PSG5: variants seen among roughly 807,000 people sequenced by gnomAD.
PSG5 encodes pregnancy-specific beta-1-glycoprotein 5.
A neutral mutation model predicts 37.7 loss-of-function variants in PSG5; 53 were observed. The ratio of observed to expected loss-of-function variants is 1.41; its 90% confidence interval spans 1.13 to 1.77. PSG5 has a LOEUF of 1.77. Ranked by LOEUF, PSG5 falls within the 40% of genes most tolerant of loss-of-function variation. The pLI, the probability that PSG5 is intolerant of heterozygous loss-of-function variation, is 0.00. For missense variants in PSG5, 547 were observed against 405.2 expected, an observed-to-expected ratio of 1.35 and a Z score of -3.00; for synonymous variants, 221 against 155.4, an observed-to-expected ratio of 1.42 and a Z score of -3.14.
intron 2 of PSG5, among the ~76,000 whole-genome samples, chr19:43,183,737 T>G (rs1003761689): frequency 6.7e-6 from 1 of 150,368 alleles, no homozygotes; most frequent in South Asian, 2.1e-4. Flanking sequence ...GACTATGGGG[T>G]CCTTGGAACC....
chr19:43,177,129 T>C (rs1470106847), intron 2 of PSG5, among the ~76,000 whole-genome samples: 1 of 151,608 alleles, frequency 6.6e-6, no homozygotes, highest in Non-Finnish European at 1.5e-5. Context: ...TCGACTACTC[T>C]AGGGACCTCA....
chr19:43,181,343 T>C (rs1319736910), intron 2 of PSG5, among the ~76,000 whole-genome samples: 6 of 151,808 alleles, frequency 4.0e-5, no homozygotes, highest in African/African-American at 9.7e-5. Context: ...CCCACTCTTA[T>C]TGAACTTTCC....
Position 43,172,585 on chromosome 19 carries a change from A to C in PSG5, c.965-2447T>G, listed in dbSNP as rs185988826. ...CATCAGTTGTATTTCAATACACTAA[A>C]CATGAACAATCTGAAGGGAAATTAA... On this transcript the variant is annotated intron_variant, in intron 4 of 5. Transcript: ENST00000342951. Among the ~76,000 whole-genome samples the C allele has an allele frequency of 1.0e-3, 155 of 151,872 alleles. 4 individuals carry two copies. The highest frequency in any genetic ancestry group is 1.7e-3 in the South Asian group (8 of 4,822).
chr19:43,185,012 C>T lies in PSG5; in HGVS notation c.200G>A (p.Trp67Ter), dbSNP rs1363201710. 1.2e-6 allele frequency: 2 copies of T among 1,612,486 alleles called. No individual in the cohort carries two copies. The highest frequency in any genetic ancestry group is 2.2e-5 in the South Asian group (2 of 91,018). Reference sequence around the variant, plus strand: ...GAGGTCCATCAGTTGTCCTTTGTACCAGATGTAGCCAGCAAGATTCTGAGG... The same window carrying T: ...GAGGTCCATCAGTTGTCCTTTGTACTAGATGTAGCCAGCAAGATTCTGAGG... ...NLPQNLAGYI[W>*]YKGQLMDLYH... The change falls in exon 2 of 6, where the codon TGG becomes TAG. Residue 67 changes from tryptophan to a stop codon, truncating the protein, a stop_gained. Coordinates refer to ENST00000342951, the MANE Select transcript of PSG5 (RefSeq NM_002781.4). LOFTEE classifies it high-confidence loss of function.
In PSG5 at chr19:43,175,902, A is replaced by G. The variant is rs1457432328; in HGVS notation, c.677T>C (p.Met226Thr). ...ATTCAGGGTGACTGGGTCACTGCGC[A>G]TGCCACCATCTCGGTCCCGTATTTC... ...ECEIRDRDGG[M>T]RSDPVTLNVL... is the part of the protein sequence containing the mutation. Residue 226 changes from methionine (M) to threonine (T), a missense_variant, in exon 3 of 6, where the codon ATG becomes ACG. Transcript: ENST00000342951. 5 of 1,612,366 alleles carry G rather than the reference A, an allele frequency of 3.1e-6. No individual in the cohort carries two copies. The highest frequency in any genetic ancestry group is 1.3e-5 in the African/African-American group (1 of 74,464).
chr19:43,172,939 A>G (rs1186900978), intron 4 of PSG5, among the ~76,000 whole-genome samples: 3 of 151,694 alleles, frequency 2.0e-5, no homozygotes, highest in Admixed American at 6.6e-5. Flanking sequence ...GAAGAGGAAG[A>G]ATGAAGCTGG....
chr19:43,179,133 G>A, intron 2 of PSG5: 6 of 1,599,162 alleles, frequency 3.8e-6, no homozygotes, highest in Non-Finnish European at 5.1e-6. Flanking sequence ...GTTGCTACTG[G>A]AGATGGAGGG....
Position 43,175,481 on chromosome 19 carries a change from A to G in PSG5, c.710-12T>C, listed in dbSNP as rs1968988956. 3.8e-6 allele frequency: 6 copies of G among 1,598,144 alleles called. No homozygotes were observed. The highest frequency in any genetic ancestry group is 3.4e-5 in the South Asian group (3 of 88,294). ...GAGGTCTGGACCATCTGGAGCAAAGAGAATGAAGCCACAGGTGATGTCATC... is the reference window on the plus strand; with the variant it reads ...GAGGTCTGGACCATCTGGAGCAAAGGGAATGAAGCCACAGGTGATGTCATC... On this transcript the variant is annotated splice_polypyrimidine_tract_variant and intron_variant, in intron 3 of 5. Coordinates refer to ENST00000342951, the MANE Select transcript of PSG5 (RefSeq NM_002781.4).
intron 1 of PSG5, among the ~76,000 whole-genome samples, chr19:43,185,441 CCACA>C (rs1966914411): frequency 8.7e-6 from 1 of 114,488 alleles, no homozygotes; most frequent in African/African-American, 3.5e-5. Flanking sequence ...CCCCCCCCCC[CCACA>C]CTGCCCTCAG....
chr19:43,179,983 G>T (rs920664523), intron 2 of PSG5, among the ~76,000 whole-genome samples: 1 of 151,802 alleles, frequency 6.6e-6, no homozygotes, highest in East Asian at 1.9e-4. Context: ...AGCACTGACT[G>T]TTGGAAAGGG....
At chr19:43,182,725 T>G (rs2122236705) in intron 2 of PSG5, among the ~76,000 whole-genome samples, 1 of 134,268 alleles carries the variant, frequency 7.4e-6, no homozygotes, top group South Asian at 2.5e-4. Flanking sequence ...TTTTTTTTTG[T>G]GCAGGAGGCC....
At position 43,168,051 on chromosome 19, in the gene PSG5, A is replaced by G. The variant is rs868224070; in HGVS notation, c.*193T>C. 4 of 416,880 alleles carry G rather than the reference A, an allele frequency of 9.6e-6. No individual in the cohort carries two copies. The Middle Eastern group carries it at 9.3e-4, about 97-fold the overall frequency. 25.8% of individuals were successfully genotyped at this position (416,880 alleles called of 1,614,324 possible). On this transcript the variant is annotated 3_prime_UTR_variant, in exon 6 of 6. Transcript: ENST00000342951. ...TATCAGCCTGTTCATTAAAATTTTG[A>G]AAGTTCTTAGTCCAGTGGTATGATC... is the stretch of plus-strand genomic sequence containing the variant.
chr19:43,175,265 T>C lies in PSG5; in HGVS notation c.914A>G (p.Asn305Ser), dbSNP rs372968319. 16 of 1,612,552 alleles carry C rather than the reference T, an allele frequency of 9.9e-6. No individual in the cohort carries two copies. The African/African-American group carries it at 1.7e-4, about 18-fold the overall frequency. Residue 305 changes from asparagine to serine, a missense_variant, in exon 4 of 6, where the codon AAC (asparagine) becomes AGC (serine). Transcript: ENST00000342951. ...GGAGCTTTCCTTGCCAGTAGCTGAG[T>C]TACGAACAGAGCAAGTATAGAGCCC... is the stretch of plus-strand genomic sequence containing the variant. ...HRGLYTCSVR[N>S]SATGKESSKS...
Position 43,168,876 on chromosome 19 carries a change from A to C in PSG5, c.*41-673T>G, listed in dbSNP as rs1968844328. Among the ~76,000 whole-genome samples the C allele has an allele frequency of 3.3e-5, 5 of 151,776 alleles. No homozygotes were observed. In the South Asian group the frequency reaches 1.0e-3, roughly 32 times the overall value. On this transcript the variant is annotated intron_variant, in intron 5 of 5. Coordinates refer to ENST00000342951, the MANE Select transcript of PSG5 (RefSeq NM_002781.4). ...GGGCCAAAAATGTATAGTCTTATGT[A>C]TGTTGAAAAAGGTCCTTAGGTAATT...
At chr19:43,182,675 C>T (rs930227551) in intron 2 of PSG5, among the ~76,000 whole-genome samples, 3 of 125,204 alleles carry the variant, frequency 2.4e-5, no homozygotes, top group Non-Finnish European at 5.0e-5. Context: ...TCGTTAAAAT[C>T]TTTCTTGACT....
At chr19:43,175,086 G>A in intron 4 of PSG5, 129 bp downstream of exon 4, 1 of 1,588,736 alleles carries the variant, frequency 6.3e-7, no homozygotes. Context: ...GGGTTCAGGA[G>A]GAGAATTTGG....
rs1453660041 is a variant in PSG5, at chr19:43,168,160, T to C, written c.*84A>G. 4.7e-6 allele frequency: 2 copies of C among 429,042 alleles called. No homozygotes were observed. Among genetic ancestry groups the C allele is most frequent in the African/African-American group, 4.1e-5 (2 of 48,398 alleles). 26.6% of individuals were successfully genotyped at this position (429,042 alleles called of 1,614,324 possible). A position where few individuals can be genotyped will look rare whatever the true frequency, so the allele number is the denominator to read the frequency against. On this transcript the variant is annotated 3_prime_UTR_variant, in exon 6 of 6. Coordinates refer to ENST00000342951, the MANE Select transcript of PSG5 (RefSeq NM_002781.4). ...CCTTGAAGAAAAAGCAATTTTGGAC[T>C]GTAGGTGATTGTAAGTAGTTTGAGG... is the stretch of plus-strand genomic sequence containing the variant.
intron 4 of PSG5, chr19:43,170,433 C>T: frequency 4.4e-6 from 2 of 453,334 alleles, no homozygotes; most frequent in Middle Eastern, 8.7e-4. Flanking sequence ...TTAGAACTTA[C>T]CACCTTTTCA....
rs913945137 is a variant in PSG5, at chr19:43,186,477, A to C, written c.-72T>G. 6.2e-5 allele frequency: 99 copies of C among 1,597,308 alleles called. 5 individuals carry two copies. Among genetic ancestry groups the C allele is most frequent in the African/African-American group, 1.9e-4 (14 of 73,970 alleles). On this transcript the variant is annotated 5_prime_UTR_variant, in exon 1 of 6. Transcript: ENST00000342951. ...CCAGAAACTTCCTGAGCACGGCTGT[A>C]GGCTGTGCTGTCCTTCCTCCTTCTG...
Sources: gnomAD v4.1 joint callset for allele counts (sites outside exome capture counted in the v4.1 genomes callset) on GRCh38, gnomAD v4.1.1 for gene constraint, MANE v1.5 for transcripts, NCBI Gene and HGNC (gene_info 2026-07-23, HGNC 2026-07-21) for gene names.